Variants in CGNL1 observed in about 807,000 individuals in gnomAD.
The protein encoded by CGNL1 is cingulin-like protein 1.
CGNL1 carries 132 observed loss-of-function variants against 141.2 expected under a neutral mutation model. The ratio of observed to expected loss-of-function variants is 0.93; its 90% confidence interval spans 0.81 to 1.08. The LOEUF (loss-of-function observed/expected upper bound fraction) is 1.08, where lower values mean the gene tolerates loss of function less well. CGNL1 is among the 50% of genes least tolerant of loss of function. The pLI is 0.00. For synonymous variants in CGNL1, 690 were observed against 622.1 expected (o/e 1.11, Z -1.63); for missense variants, 1,870 against 1,588.6 (o/e 1.18, Z -3.01).
chr15:57,382,224 G>A (rs2062432677), intron 1 of CGNL1, among the ~76,000 whole-genome samples: 1 of 152,174 alleles, frequency 6.6e-6, no homozygotes, highest in African/African-American at 2.4e-5. Flanking sequence ...GTTATAATTA[G>A]AGATGAGTTT....
chr15:57,460,905 G>T (rs535419567), intron 7 of CGNL1, among the ~76,000 whole-genome samples: 1 of 152,158 alleles, frequency 6.6e-6, no homozygotes, highest in Non-Finnish European at 1.5e-5. Flanking sequence ...GTGGAAGAAG[G>T]CCTGGAGTGC....
rs138810926 is a variant in CGNL1 at position 57,412,635 on chromosome 15, C to T, written c.-15-25350C>T. On this transcript the variant is annotated intron_variant, in intron 1 of 18. Transcript: ENST00000281282. Reference sequence around the variant, plus strand: ...CCTGAAACAGCCTAGTTTATCTTGACGCATCTCTGTGAGAAAGCTCATTTC... The same window carrying T: ...CCTGAAACAGCCTAGTTTATCTTGATGCATCTCTGTGAGAAAGCTCATTTC... Among the ~76,000 whole-genome samples the T allele has an allele frequency of 1.9e-3, 288 of 152,278 alleles. 2 individuals are homozygous for T. Among genetic ancestry groups the T allele is most frequent in the African/African-American group, 6.6e-3 (274 of 41,552 alleles).
chr15:57,459,166 C>A (rs191418394), intron 7 of CGNL1, among the ~76,000 whole-genome samples: 1 of 152,144 alleles, frequency 6.6e-6, no homozygotes, highest in African/African-American at 2.4e-5. Flanking sequence ...GAAAACAGGT[C>A]GTGTTCTTAT....
At chr15:57,457,152 A>G (rs547396121) in intron 7 of CGNL1, among the ~76,000 whole-genome samples, 12 of 152,330 alleles carry the variant, frequency 7.9e-5, no homozygotes, top group African/African-American at 2.9e-4. Context: ...GGCCAGAGAT[A>G]GGGACCCTGT....
At chr15:57,399,981 T>G (rs576214432) in intron 1 of CGNL1, among the ~76,000 whole-genome samples, 20 of 146,896 alleles carry the variant, frequency 1.4e-4, no homozygotes, top group African/African-American at 5.0e-4. Context: ...CTATAGAAAT[T>G]GCTGTATTTC....
intron 1 of CGNL1, among the ~76,000 whole-genome samples, chr15:57,381,762 C>T (rs187627926): frequency 7.2e-5 from 11 of 152,100 alleles, no homozygotes; most frequent in Non-Finnish European, 8.8e-5. Flanking sequence ...TCCTCTACCT[C>T]GTGTAAATAG....
In CGNL1 at chr15:57,405,770, TTC is replaced by T. The variant is rs56016030; in HGVS notation, c.-16+29207_-16+29208del. ...TTCCTTTTTCTTTTTCTTTCTTTCT[TTC>T]TCTTTCTTTCTTTCTTTCTTTCTTT... On this transcript the variant is annotated intron_variant, in intron 1 of 18. Transcript: ENST00000281282. Among the ~76,000 whole-genome samples, 65 of 123,106 alleles carry T rather than the reference TTC, an allele frequency of 5.3e-4. 1 individual carries two copies. The highest frequency in any genetic ancestry group is 1.5e-3 in the African/African-American group (46 of 30,288). 80.8% of individuals were successfully genotyped at this position (123,106 alleles called of 152,430 possible).
intron 1 of CGNL1, among the ~76,000 whole-genome samples, chr15:57,419,254 A>C (rs2062886850): frequency 6.6e-6 from 1 of 152,218 alleles, no homozygotes; most frequent in Non-Finnish European, 1.5e-5. Flanking sequence ...TTGCTTTAAA[A>C]AAAACCCTTT....
chr15:57,469,669 T>C (rs1412322509), intron 8 of CGNL1, among the ~76,000 whole-genome samples: 3 of 152,180 alleles, frequency 2.0e-5, no homozygotes, highest in African/African-American at 2.4e-5. Flanking sequence ...GTCTAACCCT[T>C]ATAAGAATTT....
At chr15:57,545,795 G>A (rs2032830272) in intron 17 of CGNL1, 95 bp downstream of exon 17, 1 of 1,014,366 alleles carries the variant, frequency 9.9e-7, no homozygotes, top group Admixed American at 2.0e-5. Context: ...CAGGAGTGGA[G>A]TGTGAGTGGG....
chr15:57,516,403 C>A (rs7167118), intron 8 of CGNL1, among the ~76,000 whole-genome samples: 4,750 of 152,186 alleles, frequency 0.031, 251 homozygotes, highest in African/African-American at 0.11. Context: ...GTCGAAATCC[C>A]GTGTAAAGAT....
chr15:57,456,275 T>C (rs1211401113), intron 7 of CGNL1, among the ~76,000 whole-genome samples: 1 of 152,224 alleles, frequency 6.6e-6, no homozygotes, highest in Admixed American at 6.5e-5. Context: ...TAAACACTTA[T>C]GCTTTTGAAT....
intron 8 of CGNL1, among the ~76,000 whole-genome samples, chr15:57,498,000 A>T (rs10851614): frequency 0.13 from 19,440 of 152,148 alleles, 1,888 homozygotes; most frequent in East Asian, 0.46. Context: ...AGCAGAAAGC[A>T]GCCCGTCCAC....
At chr15:57,496,380 G>C (rs1268124838) in intron 8 of CGNL1, among the ~76,000 whole-genome samples, 1 of 152,114 alleles carries the variant, frequency 6.6e-6, no homozygotes, top group Non-Finnish European at 1.5e-5. Context: ...GACCTGTTAG[G>C]GACCAGGAAC....
intron 13 of CGNL1, among the ~76,000 whole-genome samples, chr15:57,529,854 G>C (rs2031854988): frequency 6.6e-6 from 1 of 152,200 alleles, no homozygotes; most frequent in Admixed American, 6.5e-5. Flanking sequence ...TATCTAGGGA[G>C]TGTTGTTTAA....
At chr15:57,451,410 T>C (rs148345152) in intron 4 of CGNL1, 90 bp from the exon 5 acceptor site, 1 of 921,518 alleles carries the variant, frequency 1.1e-6, no homozygotes, top group Non-Finnish European at 1.7e-6. Context: ...GCCTCATCTG[T>C]TACTGCACTG....
At chr15:57,511,346 A>G (rs571115410) in intron 8 of CGNL1, among the ~76,000 whole-genome samples, 8 of 152,330 alleles carry the variant, frequency 5.3e-5, no homozygotes, top group African/African-American at 1.4e-4. Context: ...CCAGATGCAC[A>G]AGATACTATT....
rs1234170700 is a variant in CGNL1, at chr15:57,517,063, G to A, written c.2610+77G>A. The stretch of plus-strand genomic sequence containing the variant: ...CCTGTGTAAGTGATTTCAAAAGTGG[G>A]GAAGGGATTTATTGTCATGATGTAG... On this transcript the variant is annotated intron_variant, in intron 9 of 18. Transcript: ENST00000281282. The A allele has an allele frequency of 2.9e-6, 4 of 1,381,096 alleles. No homozygotes were observed. In the African/African-American group the frequency reaches 5.8e-5, roughly 20 times the overall value. The allele number at this position is 1,381,096 out of a possible 1,614,324, so 85.6% of individuals were successfully genotyped here.
intron 8 of CGNL1, among the ~76,000 whole-genome samples, chr15:57,482,046 C>T (rs1483402309): frequency 2.6e-5 from 4 of 151,862 alleles, no homozygotes; most frequent in Non-Finnish European, 4.4e-5. Flanking sequence ...TCTTTTGCCA[C>T]GTATATCCTC....
Sources: gnomAD v4.1 joint callset for allele counts (sites outside exome capture counted in the v4.1 genomes callset) on GRCh38, gnomAD v4.1.1 for gene constraint, MANE v1.5 for transcripts, NCBI Gene and HGNC (gene_info 2026-07-23, HGNC 2026-07-21) for gene names.